NAPB: variants seen among roughly 807,000 people sequenced by gnomAD.
NAPB encodes beta-soluble NSF attachment protein.
NAPB carries 26 observed loss-of-function variants against 44.7 expected under a neutral mutation model. The observed-to-expected ratio is 0.58, with a 90% CI of 0.43 to 0.81. The LOEUF (loss-of-function observed/expected upper bound fraction) is 0.81, where lower values mean the gene tolerates loss of function less well. Ranked by LOEUF, NAPB falls within the 30% of genes least tolerant of loss-of-function variation. The pLI is 0.00. For missense variants in NAPB, 315 were observed against 356.4 expected, an observed-to-expected ratio of 0.88 and a Z score of 0.94; for synonymous variants, 120 against 116.8, an observed-to-expected ratio of 1.03 and a Z score of -0.18.
At chr20:23,420,138 A>C (rs1371021933) in intron 1 of NAPB, among the ~76,000 whole-genome samples, 2 of 152,192 alleles carry the variant, frequency 1.3e-5, no homozygotes, top group Non-Finnish European at 2.9e-5. Flanking sequence ...TTCTCATCCT[A>C]AACAGCTGAA....
At chr20:23,386,146 A>G (rs1187119748) in intron 7 of NAPB, among the ~76,000 whole-genome samples, 1 of 152,212 alleles carries the variant, frequency 6.6e-6, no homozygotes, top group Non-Finnish European at 1.5e-5. Context: ...ATAATGATAT[A>G]ATAAAATTGG....
rs559272163 is a variant in NAPB at position 23,377,969 on chromosome 20, C to T, written c.787-483G>A. ...AGTCAGACAGGAAAACATTCCTTTC[C>T]TCTATCACTCCTGAGCTGTGATGAA... On this transcript the variant is annotated intron_variant, in intron 10 of 10. Coordinates refer to ENST00000377026, the MANE Select transcript of NAPB (RefSeq NM_022080.3). 2.0e-5 allele frequency among the ~76,000 whole-genome samples: 3 copies of T among 152,150 alleles called. No homozygotes were observed. The South Asian group carries it at 6.2e-4, about 32-fold the overall frequency.
chr20:23,382,482 G>C (rs192948896), intron 7 of NAPB, among the ~76,000 whole-genome samples: 1 of 152,000 alleles, frequency 6.6e-6, no homozygotes, highest in Non-Finnish European at 1.5e-5. Flanking sequence ...TCCAGATGAC[G>C]GAAATGTCCA....
At chr20:23,380,898 C>G (rs1473454611) in intron 8 of NAPB, 2 of 214,948 alleles carry the variant, frequency 9.3e-6, no homozygotes, top group Non-Finnish European at 1.9e-5. Context: ...TATATTTAAG[C>G]CTATAGCACT....
At position 23,390,107 on chromosome 20, in the gene NAPB, C is replaced by A. The variant is rs1040576549; in HGVS notation, c.477-77G>T. On this transcript the variant is annotated intron_variant, in intron 6 of 10. Coordinates refer to ENST00000377026, the MANE Select transcript of NAPB (RefSeq NM_022080.3). ...AGATGTGCACTGGGCCTCAGTACAT[C>A]TTCATTTGGTATAGTCAAATACACT... 1.6e-5 allele frequency: 25 copies of A among 1,530,492 alleles called. No individual in the cohort carries two copies. In the South Asian group the frequency reaches 2.0e-4, roughly 12 times the overall value. The allele number at this position is 1,530,492 out of a possible 1,614,324, so 94.8% of individuals were successfully genotyped here.
At chr20:23,387,942 A>T (rs149808004) in intron 7 of NAPB, among the ~76,000 whole-genome samples, 15 of 152,328 alleles carry the variant, frequency 9.8e-5, no homozygotes, top group Admixed American at 2.0e-4. Context: ...ATGAATAAGC[A>T]GATTGCCCTC....
chr20:23,417,083 CTT>C (rs567478910), intron 1 of NAPB, among the ~76,000 whole-genome samples: 18 of 134,136 alleles, frequency 1.3e-4, no homozygotes, highest in East Asian at 8.7e-4. Context: ...CACTGGCATT[CTT>C]TTTTTTTTTT....
intron 2 of NAPB, among the ~76,000 whole-genome samples, chr20:23,401,507 T>A (rs1398132406): frequency 1.3e-5 from 2 of 152,140 alleles, no homozygotes; most frequent in East Asian, 3.8e-4. Flanking sequence ...AAAGCCTCCT[T>A]AGTTACATAC....
At chr20:23,418,825 T>A (rs1482716536) in intron 1 of NAPB, among the ~76,000 whole-genome samples, 1 of 151,374 alleles carries the variant, frequency 6.6e-6, no homozygotes, top group Non-Finnish European at 1.5e-5. Flanking sequence ...CGGGTGGCTG[T>A]AATCCCAGCT....
At chr20:23,378,224 T>C (rs1177646844) in intron 10 of NAPB, among the ~76,000 whole-genome samples, 1 of 150,764 alleles carries the variant, frequency 6.6e-6, no homozygotes, top group Non-Finnish European at 1.5e-5. Context: ...CTTAGGAGTC[T>C]CAGGTGGGAG....
At chr20:23,396,265 T>C (rs1984354500) in intron 3 of NAPB, among the ~76,000 whole-genome samples, 6 of 152,240 alleles carry the variant, frequency 3.9e-5, no homozygotes, top group Admixed American at 2.0e-4. Flanking sequence ...ACTGATGCAT[T>C]ACAATGTTAC....
intron 1 of NAPB, among the ~76,000 whole-genome samples, chr20:23,418,962 A>G (rs139945238): frequency 1.1e-4 from 17 of 152,192 alleles, no homozygotes; most frequent in African/African-American, 3.6e-4. Flanking sequence ...AAAAAAATCA[A>G]TGATGCAGTC....
chr20:23,386,810 G>A (rs114166096), intron 7 of NAPB, among the ~76,000 whole-genome samples: 1,672 of 152,248 alleles, frequency 0.011, 30 homozygotes, highest in African/African-American at 0.039. Flanking sequence ...AGTTTAATCT[G>A]TACCCGTTTG....
intron 1 of NAPB, among the ~76,000 whole-genome samples, chr20:23,406,887 G>C (rs1471693241): frequency 6.6e-6 from 1 of 152,184 alleles, no homozygotes; most frequent in Non-Finnish European, 1.5e-5. Context: ...GATACAGCTA[G>C]AATTAACAGA....
rs755474300 is a variant in NAPB, at chr20:23,421,437, G to T, written c.-35C>A. 1 of 1,529,612 alleles carries T rather than the reference G, an allele frequency of 6.5e-7. No homozygotes were observed. Among genetic ancestry groups the T allele is most frequent in the Non-Finnish European group, 8.8e-7 (1 of 1,135,504 alleles). 94.8% of individuals were successfully genotyped at this position (1,529,612 alleles called of 1,614,324 possible). A position where few individuals can be genotyped will look rare whatever the true frequency, so the allele number is the denominator to read the frequency against. On this transcript the variant is annotated 5_prime_UTR_variant, in exon 1 of 11. Transcript: ENST00000377026. Reference sequence around the variant, plus strand: ...CGCGGCCGCCACAGCCCCCTCAGCCGGCTCGCTGTGCGCCCAGGCGCCTTA... The same window carrying T: ...CGCGGCCGCCACAGCCCCCTCAGCCTGCTCGCTGTGCGCCCAGGCGCCTTA...
chr20:23,414,203 T>G (rs1600601905), intron 1 of NAPB, among the ~76,000 whole-genome samples: 1 of 152,086 alleles, frequency 6.6e-6, no homozygotes, highest in Non-Finnish European at 1.5e-5. Flanking sequence ...GTGCCTGTAA[T>G]CCCAGCTGCT....
intron 7 of NAPB, among the ~76,000 whole-genome samples, chr20:23,383,847 CAT>C (rs1379049201): frequency 9.9e-5 from 15 of 152,278 alleles, no homozygotes; most frequent in Middle Eastern, 3.4e-3. Context: ...AACATTGACT[CAT>C]GTGGTTCTAA....
intron 1 of NAPB, among the ~76,000 whole-genome samples, chr20:23,412,054 C>T (rs1985693209): frequency 6.6e-6 from 1 of 152,218 alleles, no homozygotes; most frequent in Non-Finnish European, 1.5e-5. Context: ...CTCATTAGAA[C>T]TGTCATAACA....
At chr20:23,384,036 G>C (rs1424784493) in intron 7 of NAPB, among the ~76,000 whole-genome samples, 1 of 152,092 alleles carries the variant, frequency 6.6e-6, no homozygotes, top group Non-Finnish European at 1.5e-5. Context: ...AACAACACTG[G>C]TTTAAACTGT....
Sources: allele counts gnomAD v4.1 joint callset (sites outside exome capture counted in the v4.1 genomes callset), GRCh38; gene constraint gnomAD v4.1.1; transcripts MANE v1.5; gene names NCBI Gene and HGNC (gene_info 2026-07-23, HGNC 2026-07-21).